Variants in FANCI observed in about 807,000 individuals in gnomAD.
FANCI encodes the protein Fanconi anemia group I protein.
FANCI carries 156 observed loss-of-function variants against 176.1 expected under a neutral mutation model. That is an observed-to-expected ratio of 0.89 (90% confidence interval 0.78 to 1.01). The LOEUF (loss-of-function observed/expected upper bound fraction) is 1.01. Ranked by LOEUF, FANCI falls within the 50% of genes least tolerant of loss-of-function variation. The pLI, the probability that FANCI is intolerant of heterozygous loss-of-function variation, is 0.00. For missense variants in FANCI, 1,678 were observed against 1,534.1 expected (o/e 1.09, Z -1.57); for synonymous variants, 613 against 541.7 (o/e 1.13, Z -1.83).
chr15:89,270,600 A>G (rs1468818639), intron 10 of FANCI, among the ~76,000 whole-genome samples: 2 of 151,702 alleles, frequency 1.3e-5, no homozygotes, highest in Non-Finnish European at 2.9e-5. Context: ...TTCTTTCGGC[A>G]TTATTAGCTG....
chr15:89,304,879 C>T (rs894327607), intron 28 of FANCI, among the ~76,000 whole-genome samples: 4 of 152,082 alleles, frequency 2.6e-5, no homozygotes, highest in Non-Finnish European at 5.9e-5. Flanking sequence ...TGGGTTCAAG[C>T]AATTCTCGTG....
At chr15:89,305,464 T>G in intron 30 of FANCI, 55 bp downstream of exon 30, 1 of 1,611,984 alleles carries the variant, frequency 6.2e-7, no homozygotes, top group Non-Finnish European at 8.5e-7. Context: ...TCCATTCTAC[T>G]CCATGTGAAG....
At position 89,294,978 on chromosome 15, in the gene FANCI, C is replaced by A; in HGVS notation, c.2520C>A (p.Arg840=). ...TCAGGTCCAGCAATGAGTTTATGCGCTATGCAGTGAATGTAGCTCTGCAGA... is the reference window on the plus strand; with the variant it reads ...TCAGGTCCAGCAATGAGTTTATGCGATATGCAGTGAATGTAGCTCTGCAGA... The part of the protein sequence containing the change: ...SVLRSSNEFM[R]YAVNVALQKV... Residue 840 remains arginine, a synonymous_variant, in exon 24 of 38, where the codon CGC becomes CGA. Transcript: ENST00000310775. The A allele has an allele frequency of 6.4e-7, 1 of 1,552,294 alleles. No homozygotes were observed. The highest frequency in any genetic ancestry group is 8.7e-7 in the Non-Finnish European group (1 of 1,147,126).
chr15:89,247,748 A>C lies in FANCI; in HGVS notation c.84+17A>C. Reference sequence around the variant, plus strand: ...GAAGGTGATGTGAGTATTAGGAAGCATGTTCTGCTAAAAGTAAATGTCAGG... The same window carrying C: ...GAAGGTGATGTGAGTATTAGGAAGCCTGTTCTGCTAAAAGTAAATGTCAGG... On this transcript the variant is annotated intron_variant, in intron 2 of 37. Transcript: ENST00000310775. 1 of 1,608,756 alleles carries C rather than the reference A, an allele frequency of 6.2e-7. No homozygotes were observed. The highest frequency in any genetic ancestry group is 8.5e-7 in the Non-Finnish European group (1 of 1,175,226).
At position 89,261,481 on chromosome 15, in the gene FANCI, A is replaced by C. The variant is rs752271853; in HGVS notation, c.289-104A>C. 372 of 1,404,004 alleles carry C rather than the reference A, an allele frequency of 2.6e-4. 1 individual carries two copies. Among genetic ancestry groups the C allele is most frequent in the Non-Finnish European group, 3.6e-4 (361 of 992,952 alleles). The allele number at this position is 1,404,004 out of a possible 1,614,324, so 87.0% of individuals were successfully genotyped here. ...AAATCCCTTATGGGACCAGTTCTGGATCTCGGTCAATTCATTTATTTCAGC... is the reference window on the plus strand; with the variant it reads ...AAATCCCTTATGGGACCAGTTCTGGCTCTCGGTCAATTCATTTATTTCAGC... On this transcript the variant is annotated intron_variant, in intron 4 of 37. Coordinates refer to ENST00000310775, the MANE Select transcript of FANCI (RefSeq NM_001113378.2).
chr15:89,260,666 T>A, intron 3 of FANCI, 47 bp from the exon 4 acceptor site: 3 of 1,609,842 alleles, frequency 1.9e-6, no homozygotes, highest in Non-Finnish European at 2.5e-6. Context: ...TATTTACCTG[T>A]CAATGTTGTA....
intron 24 of FANCI, 65 bp downstream of exon 24, chr15:89,295,159 T>C: frequency 6.7e-7 from 1 of 1,492,678 alleles, no homozygotes; most frequent in Non-Finnish European, 9.0e-7. Context: ...GAGAACAAAC[T>C]GGGAACAGAG....
chr15:89,265,684 C>G (rs1010502392), intron 9 of FANCI, among the ~76,000 whole-genome samples: 1 of 151,960 alleles, frequency 6.6e-6, no homozygotes, highest in African/African-American at 2.4e-5. Flanking sequence ...CCACCACGCC[C>G]AGCTAACTTT....
intron 1 of FANCI, among the ~76,000 whole-genome samples, chr15:89,247,063 C>T (rs1043521326): frequency 5.4e-5 from 8 of 149,150 alleles, no homozygotes; most frequent in South Asian, 2.1e-4. Context: ...GCCACGGTGC[C>T]GGCCTCTTTT....
chr15:89,269,132 A>G (rs971572493), intron 10 of FANCI, among the ~76,000 whole-genome samples: 3 of 152,214 alleles, frequency 2.0e-5, no homozygotes, highest in Non-Finnish European at 4.4e-5. Context: ...TGTTCCCTTC[A>G]CCTAGATTGA....
intron 12 of FANCI, among the ~76,000 whole-genome samples, chr15:89,275,103 T>TTTC (rs1207038087): frequency 6.7e-6 from 1 of 149,256 alleles, no homozygotes; most frequent in Non-Finnish European, 1.5e-5. Context: ...TTTTTTTTTT[T>TTTC]CTGAAGACGT....
At chr15:89,276,374 A>G (rs1050048420) in intron 12 of FANCI, among the ~76,000 whole-genome samples, 2 of 152,358 alleles carry the variant, frequency 1.3e-5, no homozygotes, top group African/African-American at 4.8e-5. Context: ...AAGCCTCTAC[A>G]TAAGCGTTGT....
In FANCI at chr15:89,247,637, T is replaced by TA; in HGVS notation, c.-10dup. ...ACGTTTTTCCCTTGTAGTTCTGTGA[T>TA]ATGAGCAACAATGGACCAGAAGATT... is the stretch of plus-strand genomic sequence containing the variant. On this transcript the variant is annotated 5_prime_UTR_variant, in exon 2 of 38. It adds an upstream start codon to the 5' untranslated region. Coordinates refer to ENST00000310775, the MANE Select transcript of FANCI (RefSeq NM_001113378.2). 6.2e-7 allele frequency: 1 copy of TA among 1,612,438 alleles called. No homozygotes were observed. Among genetic ancestry groups the TA allele is most frequent in the Non-Finnish European group, 8.5e-7 (1 of 1,178,496 alleles).
At chr15:89,291,958 C>G (rs555741147) in intron 20 of FANCI, among the ~76,000 whole-genome samples, 6 of 152,300 alleles carry the variant, frequency 3.9e-5, no homozygotes, top group African/African-American at 1.2e-4. Flanking sequence ...TATTTTATCT[C>G]ATTTATGAAT....
intron 2 of FANCI, among the ~76,000 whole-genome samples, chr15:89,257,634 A>G (rs562337266): frequency 1.2e-4 from 19 of 152,278 alleles, no homozygotes; most frequent in African/African-American, 4.3e-4. Context: ...GACCCATCCT[A>G]ATGACCTCAA....
chr15:89,306,373 C>T (rs1056511469), intron 32 of FANCI, among the ~76,000 whole-genome samples, 179 bp downstream of exon 32: 20 of 151,888 alleles, frequency 1.3e-4, no homozygotes, highest in Non-Finnish European at 2.2e-4. Context: ...TCTCCACAGG[C>T]CAGGGAAAAA....
At chr15:89,307,871 C>G in intron 34 of FANCI, 199 bp downstream of exon 34, 2 of 1,451,306 alleles carry the variant, frequency 1.4e-6, no homozygotes, top group Non-Finnish European at 1.8e-6. Context: ...AACTGTTTCA[C>G]TTAATTTGGA....
chr15:89,306,593 G>A (rs939585551), intron 32 of FANCI, among the ~76,000 whole-genome samples: 4 of 152,184 alleles, frequency 2.6e-5, no homozygotes, highest in African/African-American at 9.6e-5. Context: ...TCAGGAGGCT[G>A]AGGCAGGAGA....
chr15:89,274,536 T>C (rs900299503), intron 12 of FANCI, among the ~76,000 whole-genome samples: 1 of 151,924 alleles, frequency 6.6e-6, no homozygotes, highest in Non-Finnish European at 1.5e-5. Context: ...CATACAAAAC[T>C]GAATTAGTTG....
Sources: gnomAD v4.1 joint callset for allele counts (sites outside exome capture counted in the v4.1 genomes callset) on GRCh38, gnomAD v4.1.1 for gene constraint, MANE v1.5 for transcripts, NCBI Gene and HGNC (gene_info 2026-07-23, HGNC 2026-07-21) for gene names.